The following CD36 variants were observed in gnomAD, a reference collection of about 807,000 sequenced individuals.
CD36 encodes the protein CD36 molecule (CD36 blood group), also known as platelet glycoprotein 4.
Under a neutral mutation model 55.2 loss-of-function variants are expected in CD36, and 119 were observed. The observed-to-expected ratio is 2.15, with a 90% CI of 1.86 to 2.51. CD36 has a LOEUF of 2.51. CD36 is among the 30% of genes most tolerant of loss of function. The probability of loss-of-function intolerance (pLI) is 0.00; values close to 1 mark genes in which losing one functional copy is unlikely to be tolerated. For synonymous variants in CD36, 186 were observed against 193.6 expected (o/e 0.96, Z 0.33); for missense variants, 819 against 555.5 (o/e 1.47, Z -4.77).
chr7:80,674,726 A>G (rs532817796), intron 14 of CD36, among the ~76,000 whole-genome samples: 1 of 152,060 alleles, frequency 6.6e-6, no homozygotes, highest in Non-Finnish European at 1.5e-5. Flanking sequence ...CCTTTCCTAA[A>G]GGAAAACCTT....
intron 8 of CD36, among the ~76,000 whole-genome samples, chr7:80,667,747 G>GTTTTTTTTTTTTTTTTTTT (rs1165767460): frequency 5.2e-4 from 43 of 82,614 alleles, no homozygotes; most frequent in African/African-American, 9.1e-4. Flanking sequence ...GTTTTCTTTT[G>GTTTTTTTTTTTTTTTTTTT]TTTTTTTTTT....
rs1451192904 is a variant in CD36 at position 80,677,820 on chromosome 7, G to A, written c.*1437G>A. The A allele has an allele frequency of 6.6e-6, 1 of 152,058 alleles. No individual in the cohort carries two copies. The highest frequency in any genetic ancestry group is 2.4e-5 in the African/African-American group (1 of 41,368). The allele number at this position is 152,058 out of a possible 1,614,324, so 9.4% of individuals were successfully genotyped here. On this transcript the variant is annotated 3_prime_UTR_variant, in exon 15 of 15. Coordinates refer to ENST00000447544, the MANE Select transcript of CD36 (RefSeq NM_001001548.3). ...ATATACATATTGACCTGTATATTAT[G>A]ACTAATCATGACTCAGATCTTAATA...
At chr7:80,665,229 C>A in intron 7 of CD36, among the ~76,000 whole-genome samples, 2 of 150,844 alleles carry the variant, frequency 1.3e-5, no homozygotes, top group Admixed American at 6.6e-5. Context: ...AGCCTATTCA[C>A]CTAAAGAATT....
chr7:80,670,863 A>G lies in CD36; in HGVS notation c.819-114A>G. On this transcript the variant is annotated intron_variant, in intron 9 of 14. Coordinates refer to ENST00000447544, the MANE Select transcript of CD36 (RefSeq NM_001001548.3). Reference sequence around the variant, plus strand: ...ATCACTTTTTTTCTAAGAATGAAACAAGAATTTAAAAGAGTATATGATGTT... The same window carrying G: ...ATCACTTTTTTTCTAAGAATGAAACGAGAATTTAAAAGAGTATATGATGTT... 3 of 784,922 alleles carry G rather than the reference A, an allele frequency of 3.8e-6. No individual in the cohort carries two copies. The South Asian group carries it at 4.7e-5, about 12-fold the overall frequency. 48.6% of individuals were successfully genotyped at this position (784,922 alleles called of 1,614,324 possible). A position where few individuals can be genotyped will look rare whatever the true frequency, so the allele number is the denominator to read the frequency against.
At chr7:80,657,836 T>A (rs3211869) in intron 4 of CD36, among the ~76,000 whole-genome samples, 18,931 of 152,236 alleles carry the variant, frequency 0.12, 1,615 homozygotes, top group East Asian at 0.27. Context: ...ACACCATGAT[T>A]AGTTCTCATC....
intron 14 of CD36, 179 bp downstream of exon 14, chr7:80,674,326 A>G (rs940405223): frequency 5.3e-6 from 3 of 565,178 alleles, no homozygotes; most frequent in African/African-American, 1.9e-5. Context: ...TCACTAAAGT[A>G]TATCTTTAAT....
At chr7:80,664,344 G>A (rs1411577420) in intron 6 of CD36, 62 bp from the exon 7 acceptor site, 14 of 845,380 alleles carry the variant, frequency 1.7e-5, no homozygotes. Context: ...AGTGAGTTAT[G>A]TATTGTACAA....
intron 1 of CD36, among the ~76,000 whole-genome samples, chr7:80,626,556 T>C (rs867581813): frequency 2.0e-5 from 3 of 152,196 alleles, no homozygotes; most frequent in South Asian, 2.1e-4. Flanking sequence ...TTAATACTTC[T>C]ATCCAATTAA....
In CD36 at chr7:80,674,084, T is replaced by C. The variant is rs752255827; in HGVS notation, c.1356T>C (p.Gly452=). 2.5e-6 allele frequency: 4 copies of C among 1,612,418 alleles called. No individual in the cohort carries two copies. The highest frequency in any genetic ancestry group is 3.4e-6 in the Non-Finnish European group (4 of 1,178,912). The change falls in exon 14 of 15, where the codon GGT becomes GGC. Residue 452 remains glycine, a synonymous_variant. Transcript: ENST00000447544. The part of the protein sequence containing the change: ...GLIEMILLSV[G]VVMFVAFMIS... ...TAGAAATGATCTTACTCAGTGTTGG[T>C]GTGGTGATGTTTGTTGCTTTTATGA...
intron 1 of CD36, among the ~76,000 whole-genome samples, chr7:80,607,420 A>G (rs917733401): frequency 2.0e-5 from 3 of 152,192 alleles, no homozygotes; most frequent in Non-Finnish European, 2.9e-5. Context: ...AGCAAAAGCT[A>G]CAAATAGGAG....
At chr7:80,630,911 C>T (rs574459838) in intron 1 of CD36, among the ~76,000 whole-genome samples, 1 of 151,982 alleles carries the variant, frequency 6.6e-6, no homozygotes, top group South Asian at 2.1e-4. Flanking sequence ...CAGAGTATGC[C>T]GAAACATAGA....
At chr7:80,630,375 G>C (rs1794007245) in intron 1 of CD36, among the ~76,000 whole-genome samples, 1 of 151,854 alleles carries the variant, frequency 6.6e-6, no homozygotes, top group Admixed American at 6.6e-5. Context: ...TTTGGAGACA[G>C]TTACAAATTT....
intron 1 of CD36, among the ~76,000 whole-genome samples, chr7:80,608,656 A>G: frequency 6.6e-6 from 1 of 152,142 alleles, no homozygotes; most frequent in Non-Finnish European, 1.5e-5. Context: ...TTGGCTCAGG[A>G]TCTTGCAGCC....
At chr7:80,673,934 T>A (rs1306886781) in intron 13 of CD36, 49 bp from the exon 14 acceptor site, 8 of 1,441,286 alleles carry the variant, frequency 5.6e-6, no homozygotes, top group Non-Finnish European at 7.8e-6. Context: ...AGGGTTTATT[T>A]TGTTTTACTA....
At chr7:80,658,109 C>T (rs138132415) in intron 4 of CD36, among the ~76,000 whole-genome samples, 7 of 152,238 alleles carry the variant, frequency 4.6e-5, no homozygotes, top group African/African-American at 9.6e-5. Context: ...TGTCTCTGTG[C>T]GCATCTGTGA....
At position 80,661,199 on chromosome 7, in the gene CD36, C is replaced by T; in HGVS notation, c.418C>T (p.Leu140=). Residue 140 remains leucine (L), a synonymous_variant, in exon 5 of 15, where the codon CTG becomes TTG. Transcript: ENST00000447544. ...GGCTGACAACTTCACAGTTCTCAAT[C>T]TGGCTGTGGCAGTGAGTAGACAAAC... ...TEADNFTVLN[L]AVAAASHIYQ... is the part of the protein sequence containing the mutation. The T allele has an allele frequency of 6.2e-7, 1 of 1,613,962 alleles. No homozygotes were observed. The highest frequency in any genetic ancestry group is 2.2e-5 in the East Asian group (1 of 44,828).
At chr7:80,666,306 A>G (rs1797085723) in intron 7 of CD36, 137 bp from the exon 8 acceptor site, 1 of 679,918 alleles carries the variant, frequency 1.5e-6, no homozygotes, top group South Asian at 1.7e-5. Flanking sequence ...AACAGAATTG[A>G]ACATTTCTTA....
intron 2 of CD36, 200 bp from the exon 3 acceptor site, chr7:80,646,452 T>G: frequency 2.4e-6 from 1 of 409,236 alleles, no homozygotes; most frequent in Non-Finnish European, 4.6e-6. Context: ...AGATATGACA[T>G]TATTAGTTCT....
chr7:80,614,587 C>T (rs1224892654), intron 1 of CD36, among the ~76,000 whole-genome samples: 2 of 152,058 alleles, frequency 1.3e-5, no homozygotes, highest in African/African-American at 4.8e-5. Context: ...CCCTCTGTAT[C>T]TTAATCTTTG....
Sources: gnomAD v4.1 joint callset for allele counts (sites outside exome capture counted in the v4.1 genomes callset) on GRCh38, gnomAD v4.1.1 for gene constraint, MANE v1.5 for transcripts, NCBI Gene and HGNC (gene_info 2026-07-23, HGNC 2026-07-21) for gene names.